Variants in PXDN observed in about 807,000 individuals in gnomAD.
The protein encoded by PXDN is peroxidasin homolog.
Under a neutral mutation model 140.3 loss-of-function variants are expected in PXDN, and 77 were observed. That is an observed-to-expected ratio of 0.55 (90% CI 0.46 to 0.66). The LOEUF (loss-of-function observed/expected upper bound fraction) is 0.66. Among genes scored for constraint, PXDN ranks in the 30% least tolerant of loss-of-function variants. The pLI is 0.00. For synonymous variants in PXDN, 911 were observed against 857.4 expected, an observed-to-expected ratio of 1.06 and a Z score of -1.09; for missense variants, 1,838 against 2,039.5, an observed-to-expected ratio of 0.90 and a Z score of 1.90.
At chr2:1,721,942 G>GA (rs755172281) in intron 1 of PXDN, among the ~76,000 whole-genome samples, 13 of 151,934 alleles carry the variant, frequency 8.6e-5, no homozygotes, top group East Asian at 3.9e-4. Context: ...ACTCAAAGGG[G>GA]ATCTAACCTA....
rs550784477 is a variant in PXDN at position 1,716,440 on chromosome 2, G to GAAAAAAAAAA, written c.201-23316_201-23307dup. 3.6e-4 allele frequency among the ~76,000 whole-genome samples: 21 copies of GAAAAAAAAAA among 58,228 alleles called. 1 individual carries two copies. In the East Asian group the frequency reaches 8.4e-3, roughly 23 times the overall value. The allele number at this position is 58,228 out of a possible 152,430, so 38.2% of individuals were successfully genotyped here. A position where few individuals can be genotyped will look rare whatever the true frequency, so the allele number is the denominator to read the frequency against. The stretch of plus-strand genomic sequence containing the variant: ...GCAACAGAGTGAGACTCCATCTCAG[G>GAAAAAAAAAA]AAAAAAAAAAAAAAAAAAAAAAAAA... On this transcript the variant is annotated intron_variant, in intron 1 of 22. Transcript: ENST00000252804.
At chr2:1,709,110 T>C (rs1402592756) in intron 1 of PXDN, among the ~76,000 whole-genome samples, 1 of 152,136 alleles carries the variant, frequency 6.6e-6, no homozygotes, top group African/African-American at 2.4e-5. Context: ...ATCCCACCCG[T>C]GGAACTGCAA....
At position 1,714,104 on chromosome 2, in the gene PXDN, TC is replaced by T. The variant is rs1346367105; in HGVS notation, c.201-20971del. On this transcript the variant is annotated intron_variant, in intron 1 of 22. Coordinates refer to ENST00000252804, the MANE Select transcript of PXDN (RefSeq NM_012293.3). The surrounding 1 kb of genome is among the most constrained non-coding windows in gnomAD (Gnocchi z 4.3). ...GGATAAACAGCTTCAAGAAAGCGCA[TC>T]CGTCACCTTTGGTGACTTCCCCGCC... Among the ~76,000 whole-genome samples, 1 of 152,188 alleles carries T rather than the reference TC, an allele frequency of 6.6e-6. No homozygotes were observed. The highest frequency in any genetic ancestry group is 2.4e-5 in the African/African-American group (1 of 41,458).
intron 1 of PXDN, among the ~76,000 whole-genome samples, chr2:1,728,314 C>G (rs1685237158): frequency 6.6e-6 from 1 of 152,256 alleles, no homozygotes; most frequent in Non-Finnish European, 1.5e-5. Context: ...GGCGGTCACA[C>G]GGCAAGGGCA....
At chr2:1,721,600 G>T (rs1233070490) in intron 1 of PXDN, among the ~76,000 whole-genome samples, 1 of 152,196 alleles carries the variant, frequency 6.6e-6, no homozygotes, top group African/African-American at 2.4e-5. Context: ...ACTTTGGGAG[G>T]CCGAGGCGGG....
Position 1,662,108 on chromosome 2 carries a change from G to C in PXDN, c.1644C>G (p.Ser548=). 6.3e-7 allele frequency: 1 copy of C among 1,597,238 alleles called. No homozygotes were observed. The highest frequency in any genetic ancestry group is 8.5e-7 in the Non-Finnish European group (1 of 1,172,456). ...VGANVQLPCS[S]QGEPEPAITW... ...TGATGGCTGGCTCGGGCTCGCCCTG[G>C]GAGCTGCACGGGAGCTGCACATTGG... The change falls in exon 13 of 23, where the codon TCC becomes TCG. Residue 548 remains serine, a synonymous_variant. Transcript: ENST00000252804.
intron 16 of PXDN, among the ~76,000 whole-genome samples, chr2:1,652,876 A>T (rs1683045849): frequency 6.6e-6 from 1 of 152,192 alleles, no homozygotes; most frequent in Admixed American, 6.5e-5. Flanking sequence ...GAAAAATTAT[A>T]AAGCAGTTCT....
At chr2:1,658,805 C>T (rs1683234886) in intron 14 of PXDN, among the ~76,000 whole-genome samples, 1 of 138,220 alleles carries the variant, frequency 7.2e-6, no homozygotes, top group Admixed American at 7.4e-5. Context: ...ACTCTACTCT[C>T]CCAGACCAGG....
Position 1,643,551 on chromosome 2 carries a change from A to C in PXDN, c.3769T>G (p.Phe1257Val). The C allele has an allele frequency of 1.2e-6, 2 of 1,613,882 alleles. No homozygotes were observed. Among genetic ancestry groups the C allele is most frequent in the South Asian group, 2.2e-5 (2 of 91,078 alleles). The change falls in exon 19 of 23, where the codon TTC (phenylalanine) becomes GTC (valine). Residue 1257 changes from phenylalanine to valine, a missense_variant. Coordinates refer to ENST00000252804, the MANE Select transcript of PXDN (RefSeq NM_012293.3). ...ATCTGAGTCAGCTGGGCCGGGGAGA[A>C]CACCCCAGGGTTCTCATACCACAAC... ...DRLWYENPGV[F>V]SPAQLTQIKQ...
chr2:1,705,234 C>T (rs1049979571), intron 1 of PXDN, among the ~76,000 whole-genome samples: 4 of 152,090 alleles, frequency 2.6e-5, no homozygotes, highest in Admixed American at 6.5e-5. Context: ...AGAGGCAGAC[C>T]GGCTCAGTTC....
At chr2:1,731,643 G>A (rs1685316912) in intron 1 of PXDN, among the ~76,000 whole-genome samples, 1 of 152,158 alleles carries the variant, frequency 6.6e-6, no homozygotes, top group South Asian at 2.1e-4. Flanking sequence ...GCCAGAAGTG[G>A]GCAGCCACAG....
Position 1,648,385 on chromosome 2 carries a change from G to C in PXDN, c.3395C>G (p.Ser1132Trp), listed in dbSNP as rs370944737. 2 of 1,612,792 alleles carry C rather than the reference G, an allele frequency of 1.2e-6. No individual in the cohort carries two copies. The highest frequency in any genetic ancestry group is 4.5e-5 in the East Asian group (2 of 44,870). ...FGVAGKMRVP[S>W]QLLNTELTER... is the part of the protein sequence containing the mutation. ...CGTGAGCTCCGTGTTCAGCAGCTGCGAGGGCACACGCATTTTCCCCGCCAC... is the reference window on the plus strand; with the variant it reads ...CGTGAGCTCCGTGTTCAGCAGCTGCCAGGGCACACGCATTTTCCCCGCCAC... The change falls in exon 17 of 23, where the codon TCG (serine) becomes TGG (tryptophan). Residue 1132 changes from serine (S) to tryptophan (W), a missense_variant. Coordinates refer to ENST00000252804, the MANE Select transcript of PXDN (RefSeq NM_012293.3). This position sits in a 1 kb window ranked among gnomAD's most constrained non-coding sequence, Gnocchi z 8.9.
intron 6 of PXDN, among the ~76,000 whole-genome samples, chr2:1,682,498 C>T (rs1683930007): frequency 6.6e-6 from 1 of 152,200 alleles, no homozygotes; most frequent in Non-Finnish European, 1.5e-5. Context: ...TTACTGAATA[C>T]ACTCAGTAAT....
intron 1 of PXDN, among the ~76,000 whole-genome samples, chr2:1,733,840 A>G (rs12463729): frequency 0.4 from 60,680 of 151,438 alleles, 13,325 homozygotes; most frequent in Admixed American, 0.54. Flanking sequence ...GGCAAGGTAA[A>G]GAAAGCACTG....
intron 1 of PXDN, among the ~76,000 whole-genome samples, chr2:1,733,457 C>T (rs1000344605): frequency 2.6e-5 from 4 of 152,020 alleles, no homozygotes; most frequent in African/African-American, 9.7e-5. Context: ...AAAGCGGTGT[C>T]GGCTGGGCGC....
intron 14 of PXDN, among the ~76,000 whole-genome samples, chr2:1,658,342 T>G (rs1485571899): frequency 1.3e-5 from 2 of 151,886 alleles, no homozygotes; most frequent in East Asian, 3.9e-4. Context: ...CAAACAGGAC[T>G]CCTCCATCTC....
intron 8 of PXDN, chr2:1,676,442 G>A (rs192479044): frequency 2.5e-4 from 42 of 164,860 alleles, no homozygotes; most frequent in Non-Finnish European, 4.8e-4. Flanking sequence ...AGATCCACAC[G>A]GGAGCTGAGC....
chr2:1,653,583 C>G (rs780957982), intron 16 of PXDN, 45 bp downstream of exon 16: 1 of 1,603,042 alleles, frequency 6.2e-7, no homozygotes, highest in Non-Finnish European at 8.5e-7. Context: ...TGTTCAACCC[C>G]GTTACTCAGG....
At position 1,651,928 on chromosome 2, in the gene PXDN, G is replaced by T. The variant is rs1572127525; in HGVS notation, c.2104+1700C>A. Among the ~76,000 whole-genome samples, 1 of 152,242 alleles carries T rather than the reference G, an allele frequency of 6.6e-6. No individual in the cohort carries two copies. Among genetic ancestry groups the T allele is most frequent in the African/African-American group, 2.4e-5 (1 of 41,462 alleles). ...ACTGTAGGCCCTGGCCCAGGACAAT[G>T]ACTGGCATAGAGGGTGTGCCCTGAC... On this transcript the variant is annotated intron_variant, in intron 16 of 22. Coordinates refer to ENST00000252804, the MANE Select transcript of PXDN (RefSeq NM_012293.3). This position sits in a 1 kb window ranked among gnomAD's most constrained non-coding sequence, Gnocchi z 4.4.
Sources: allele counts gnomAD v4.1 joint callset (sites outside exome capture counted in the v4.1 genomes callset), GRCh38; gene constraint gnomAD v4.1.1; non-coding constraint Gnocchi (gnomAD v3.1); transcripts MANE v1.5; gene names NCBI Gene and HGNC (gene_info 2026-07-23, HGNC 2026-07-21).